The following HELB variants were observed in gnomAD, a reference collection of about 807,000 sequenced individuals.
HELB encodes the protein DNA 5'-3' helicase B.
In HELB, 96 loss-of-function variants were observed where a neutral mutation model predicts 101.7. The ratio of observed to expected loss-of-function variants is 0.94; its 90% CI spans 0.80 to 1.12. HELB has a LOEUF of 1.12. Among genes scored for constraint, HELB ranks in the 50% most tolerant of loss-of-function variants. The pLI is 0.00. For synonymous variants in HELB, 437 were observed against 459.7 expected (o/e 0.95, Z 0.63); for missense variants, 1,210 against 1,291.9 (o/e 0.94, Z 0.97).
downstream of HELB, chr12:66,342,249 A>G (rs1313693450): frequency 6.6e-6 from 1 of 151,900 alleles, no homozygotes; most frequent in East Asian, 1.9e-4. Context: ...AGCTCCATTT[A>G]TTGAAGAGAT....
At chr12:66,314,788 C>T (rs946252616) in intron 5 of HELB, among the ~76,000 whole-genome samples, 2 of 152,092 alleles carry the variant, frequency 1.3e-5, no homozygotes, top group Non-Finnish European at 1.5e-5. Flanking sequence ...ATATTTAGGG[C>T]TTATTTGTTG....
At chr12:66,327,567 G>GTTC (rs34302449) in intron 11 of HELB, among the ~76,000 whole-genome samples, 49,536 of 151,648 alleles carry the variant, frequency 0.33, 9,411 homozygotes, top group East Asian at 0.63. Context: ...TATCTTTCTG[G>GTTC]TTATTTCATG....
chr12:66,302,985 G>GTT (rs551432227), intron 1 of HELB, among the ~76,000 whole-genome samples, 195 bp downstream of exon 1: 37 of 136,650 alleles, frequency 2.7e-4, no homozygotes, highest in Admixed American at 2.9e-4. Context: ...ATACTATGTG[G>GTT]TTTTTTTTTT....
In HELB at chr12:66,310,522, A is replaced by G; in HGVS notation, c.1594A>G (p.Ile532Val). The stretch of plus-strand genomic sequence containing the variant: ...AAGTCAACTAGAGGCGGACAAGGCT[A>G]TAGAAGTTTTGCTCACAGCACCTAC... ...EQSQLEADKA[I>V]EVLLTAPTGK... is the part of the protein sequence containing the mutation. Residue 532 changes from isoleucine (I) to valine (V), a missense_variant, in exon 4 of 13, where the codon ATA (isoleucine) becomes GTA (valine). Physicochemically the swap from Ile to Val is conservative, Grantham distance 29. Transcript: ENST00000247815. 8 of 1,614,256 alleles carry G rather than the reference A, an allele frequency of 5.0e-6. No homozygotes were observed. The highest frequency in any genetic ancestry group is 6.8e-6 in the Non-Finnish European group (8 of 1,180,038).
intron 12 of HELB, among the ~76,000 whole-genome samples, 167 bp downstream of exon 12, chr12:66,331,812 C>T (rs112279040): frequency 6.4e-4 from 98 of 152,194 alleles, no homozygotes; most frequent in Middle Eastern, 3.4e-3. Context: ...GTCTGATTTC[C>T]CCTTCATTTC....
At chr12:66,312,677 G>A (rs1216189454) in intron 4 of HELB, among the ~76,000 whole-genome samples, 1 of 152,196 alleles carries the variant, frequency 6.6e-6, no homozygotes, top group Non-Finnish European at 1.5e-5. Flanking sequence ...CTGAGTGAGA[G>A]AATATTTCTG....
chr12:66,311,739 A>T (rs2053547459), intron 4 of HELB, among the ~76,000 whole-genome samples: 1 of 152,204 alleles, frequency 6.6e-6, no homozygotes, highest in African/African-American at 2.4e-5. Context: ...ATAAATTAAC[A>T]TTCTTGAAAA....
At position 66,338,181 on chromosome 12, in the gene HELB, TA is replaced by T; in HGVS notation, c.*86del. The T allele has an allele frequency of 9.4e-6, 8 of 847,454 alleles. No individual in the cohort carries two copies. In the South Asian group the frequency reaches 1.2e-4, roughly 12 times the overall value. 52.5% of individuals were successfully genotyped at this position (847,454 alleles called of 1,614,324 possible). On this transcript the variant is annotated 3_prime_UTR_variant, in exon 13 of 13. Coordinates refer to ENST00000247815, the MANE Select transcript of HELB (RefSeq NM_001370285.1). Reference sequence around the variant, plus strand: ...ACATCGTAACGTCAAAGTACCAAGATAAAAAAAGTTTCCTATAACTGGAGTT... The same window carrying T: ...ACATCGTAACGTCAAAGTACCAAGATAAAAAAGTTTCCTATAACTGGAGTT...
intron 11 of HELB, among the ~76,000 whole-genome samples, chr12:66,325,476 C>G (rs142878513): frequency 9.7e-4 from 148 of 152,286 alleles, no homozygotes; most frequent in African/African-American, 3.6e-3. Flanking sequence ...TTTTGATTTA[C>G]AAAACTGTTA....
At chr12:66,324,944 T>C in intron 10 of HELB, 39 bp from the exon 11 acceptor site, 5 of 1,609,022 alleles carry the variant, frequency 3.1e-6, no homozygotes, top group Non-Finnish European at 4.3e-6. Context: ...GTAGAACATA[T>C]TTGAAGGTAT....
chr12:66,321,182 G>T (rs1249790325), intron 7 of HELB, among the ~76,000 whole-genome samples: 1 of 152,158 alleles, frequency 6.6e-6, no homozygotes. Context: ...AAACATACAT[G>T]GGAAAATGCT....
At chr12:66,327,035 CAAAAAAAAAAAAAAAAAA>C (rs756031862) in intron 11 of HELB, among the ~76,000 whole-genome samples, 3 of 41,696 alleles carry the variant, frequency 7.2e-5, no homozygotes, top group South Asian at 2.8e-3. Flanking sequence ...GACTTCATCT[CAAAAAAAAAAAAAAAAAA>C]AAAAAAAAAA....
At chr12:66,327,529 A>T (rs1462011733) in intron 11 of HELB, among the ~76,000 whole-genome samples, 1 of 151,010 alleles carries the variant, frequency 6.6e-6, no homozygotes, top group Non-Finnish European at 1.5e-5. Flanking sequence ...AGGTGTCTTT[A>T]TTATTACTGG....
intron 12 of HELB, among the ~76,000 whole-genome samples, chr12:66,337,135 A>C (rs1434224779): frequency 6.6e-6 from 1 of 152,114 alleles, no homozygotes; most frequent in Non-Finnish European, 1.5e-5. Context: ...ATCCAGCACC[A>C]TTAATCAGAT....
intron 2 of HELB, among the ~76,000 whole-genome samples, chr12:66,305,969 A>G (rs2053470610): frequency 6.6e-6 from 1 of 152,196 alleles, no homozygotes; most frequent in African/African-American, 2.4e-5. Flanking sequence ...ATGACAAAAG[A>G]TTATGATTAT....
intron 10 of HELB, 129 bp downstream of exon 10, chr12:66,324,340 A>G (rs1659555309): frequency 1.4e-6 from 1 of 737,026 alleles, no homozygotes; most frequent in African/African-American, 1.8e-5. Context: ...TTTGTTAAGG[A>G]TTTTTGGCAT....
At position 66,314,002 on chromosome 12, in the gene HELB, A is replaced by G. The variant is rs1433381309; in HGVS notation, c.1697A>G (p.Tyr566Cys). The G allele has an allele frequency of 1.2e-6, 2 of 1,613,738 alleles. No homozygotes were observed. The highest frequency in any genetic ancestry group is 1.7e-6 in the Non-Finnish European group (2 of 1,179,702). ...YTLCQVNYSF[Y>C]SWTQTMMTTN... Reference sequence around the variant, plus strand: ...TGCTTGTAGGTCAATTATAGCTTCTATTCATGGACTCAAACAATGATGACC... The same window carrying G: ...TGCTTGTAGGTCAATTATAGCTTCTGTTCATGGACTCAAACAATGATGACC... Residue 566 changes from tyrosine to cysteine, a missense_variant, in exon 5 of 13, where the codon TAT becomes TGT. Around this residue, in one of 2 missense-constraint regions of HELB, gnomAD observed 740 missense variants for 728.8 expected, o/e 1.02. Transcript: ENST00000247815.
Position 66,324,999 on chromosome 12 carries a change from CT to C in HELB, c.2547del (p.Phe849LeufsTer7). 1 of 1,612,546 alleles carries C rather than the reference CT, an allele frequency of 6.2e-7. No homozygotes were observed. Among genetic ancestry groups the C allele is most frequent in the Non-Finnish European group, 8.5e-7 (1 of 1,178,782 alleles). On this transcript the variant is annotated frameshift_variant, in exon 11 of 13. Transcript: ENST00000247815. LOFTEE classifies it high-confidence loss of function. ...FFITNDVTDV[T>X]FGKRRSLTIN... is the part of the protein sequence containing the mutation. Reference sequence around the variant, plus strand: ...TGGTGACAGGATGTAACTGATGTAACTTTTGGAAAGAGAAGATCTTTGACCA... The same window carrying C: ...TGGTGACAGGATGTAACTGATGTAACTTTGGAAAGAGAAGATCTTTGACCA...
intron 11 of HELB, among the ~76,000 whole-genome samples, chr12:66,330,360 A>G (rs1334842240): frequency 6.6e-6 from 1 of 152,186 alleles, no homozygotes; most frequent in Non-Finnish European, 1.5e-5. Flanking sequence ...ACAGACAAGT[A>G]GGAGAAAAAA....
Sources: allele counts gnomAD v4.1 joint callset (sites outside exome capture counted in the v4.1 genomes callset), GRCh38; gene constraint gnomAD v4.1.1; regional missense constraint gnomAD v4.1.1; transcripts MANE v1.5; gene names NCBI Gene and HGNC (gene_info 2026-07-23, HGNC 2026-07-21).